NR2F1-AS1: variants seen among roughly 807,000 people sequenced by gnomAD.
The protein encoded by NR2F1-AS1 is NR2F1 regulatory antisense RNA 1, also known as NR2F1 antisense RNA 1.
At chr5:93,578,731 C>T (rs532802606) in intron 1 of NR2F1-AS1, among the ~76,000 whole-genome samples, 1 of 152,338 alleles carries the variant, frequency 6.6e-6, no homozygotes, top group African/African-American at 2.4e-5. Context: ...AACGTGGACA[C>T]TACAACTGCG....
intron 1 of NR2F1-AS1, among the ~76,000 whole-genome samples, chr5:93,571,699 G>A (rs568153085): frequency 1.3e-5 from 2 of 152,000 alleles, no homozygotes; most frequent in African/African-American, 4.8e-5. Flanking sequence ...AGATATAGAC[G>A]GTGATTGGAG....
chr5:93,527,219 A>G (rs1417107878), intron 4 of NR2F1-AS1, among the ~76,000 whole-genome samples: 1 of 152,172 alleles, frequency 6.6e-6, no homozygotes, highest in Non-Finnish European at 1.5e-5. Flanking sequence ...AGACAGAGCC[A>G]AATCATGAGT....
intron 4 of NR2F1-AS1, among the ~76,000 whole-genome samples, chr5:93,534,546 C>T (rs1238402965): frequency 3.3e-5 from 5 of 151,958 alleles, no homozygotes; most frequent in East Asian, 1.9e-4. Flanking sequence ...AAAATAAATC[C>T]CATTTTCCAT....
intron 4 of NR2F1-AS1, among the ~76,000 whole-genome samples, chr5:93,515,612 A>T (rs1290069012): frequency 6.6e-6 from 1 of 151,922 alleles, no homozygotes; most frequent in Non-Finnish European, 1.5e-5. Flanking sequence ...AACATCTAGC[A>T]TAGTGTCTGG....
intron 4 of NR2F1-AS1, among the ~76,000 whole-genome samples, chr5:93,460,650 A>G (rs931241092): frequency 3.3e-5 from 5 of 152,182 alleles, no homozygotes; most frequent in African/African-American, 9.6e-5. Flanking sequence ...TCTAATTGAC[A>G]TTAAAATTTC....
At position 93,579,299 on chromosome 5, in the gene NR2F1-AS1, C is replaced by T. The variant is rs938250937; in HGVS notation, n.313+1168G>A. On this transcript the variant is annotated intron_variant and non_coding_transcript_variant, in intron 1 of 5. Transcript: ENST00000660523. The surrounding 1 kb of genome is among the most constrained non-coding windows in gnomAD (Gnocchi z 5.1). ...CACCACCAACAGCTTCCCACTCCCACCCCTGGGACTAGGACAGGGGACTTC... is the reference window on the plus strand; with the variant it reads ...CACCACCAACAGCTTCCCACTCCCATCCCTGGGACTAGGACAGGGGACTTC... 6.6e-6 allele frequency among the ~76,000 whole-genome samples: 1 copy of T among 152,200 alleles called. No homozygotes were observed. Among genetic ancestry groups the T allele is most frequent in the Admixed American group, 6.5e-5 (1 of 15,286 alleles).
intron 4 of NR2F1-AS1, among the ~76,000 whole-genome samples, chr5:93,534,220 TAC>T: frequency 6.6e-6 from 1 of 152,210 alleles, no homozygotes. Flanking sequence ...GTCTCACGAT[TAC>T]CCTGTGAGGT....
At chr5:93,505,748 G>A (rs907417170) in intron 4 of NR2F1-AS1, among the ~76,000 whole-genome samples, 2 of 152,216 alleles carry the variant, frequency 1.3e-5, no homozygotes, top group Non-Finnish European at 2.9e-5. Context: ...GCTGCACACA[G>A]CATGGGGACC....
chr5:93,501,145 T>G (rs545816193), intron 4 of NR2F1-AS1, among the ~76,000 whole-genome samples: 1 of 152,082 alleles, frequency 6.6e-6, no homozygotes, highest in Non-Finnish European at 1.5e-5. Context: ...GTTCAAGATG[T>G]CAGTGGAAGA....
upstream of NR2F1-AS1, among the ~76,000 whole-genome samples, chr5:93,581,673 T>C (rs543935954): frequency 9.5e-5 from 2 of 20,978 alleles, no homozygotes; most frequent in African/African-American, 3.3e-4. Context: ...TCTCGGTCTC[T>C]CTCTCTCTCT....
intron 4 of NR2F1-AS1, among the ~76,000 whole-genome samples, chr5:93,447,880 T>C (rs954670469): frequency 1.3e-5 from 2 of 152,120 alleles, no homozygotes; most frequent in South Asian, 2.1e-4. Flanking sequence ...TAAAAAAGGA[T>C]GAGTTCATGT....
chr5:93,558,413 TG>T (rs1275123313), intron 2 of NR2F1-AS1, among the ~76,000 whole-genome samples: 1 of 150,436 alleles, frequency 6.6e-6, no homozygotes, highest in Non-Finnish European at 1.5e-5. Flanking sequence ...CTCCACCCCC[TG>T]GGTTCAAGCA....
intron 4 of NR2F1-AS1, among the ~76,000 whole-genome samples, chr5:93,449,378 TA>T (rs1451050857): frequency 3.3e-5 from 5 of 152,092 alleles, no homozygotes; most frequent in Non-Finnish European, 7.4e-5. Flanking sequence ...CTTACAACAG[TA>T]AAGGCCTGGA....
At chr5:93,412,795 G>A (rs1343515938) in intron 4 of NR2F1-AS1, among the ~76,000 whole-genome samples, 1 of 152,112 alleles carries the variant, frequency 6.6e-6, no homozygotes, top group South Asian at 2.1e-4. Context: ...CACCACTCGT[G>A]ACTCTAAATC....
Position 93,412,195 on chromosome 5 carries a change from G to C in NR2F1-AS1, n.639-16653C>G, listed in dbSNP as rs536118000. Among the ~76,000 whole-genome samples the C allele has an allele frequency of 1.2e-4, 18 of 152,266 alleles. No individual in the cohort carries two copies. The South Asian group carries it at 3.5e-3, about 30-fold the overall frequency. On this transcript the variant is annotated intron_variant and non_coding_transcript_variant, in intron 4 of 5. Coordinates refer to ENST00000660523, the Ensembl canonical transcript of NR2F1-AS1. ...CATGCTCAGGGGCTGTTGTCTCTCT[G>C]AACTGTCTTACTGCAGACCCTGGCT... is the stretch of plus-strand genomic sequence containing the variant.
At chr5:93,431,875 C>T (rs2149847053) in intron 4 of NR2F1-AS1, among the ~76,000 whole-genome samples, 1 of 152,214 alleles carries the variant, frequency 6.6e-6, no homozygotes, top group South Asian at 2.1e-4. Context: ...TTTTATAAGC[C>T]TGAAATAAAT....
chr5:93,468,272 C>T (rs1461020165), intron 4 of NR2F1-AS1, among the ~76,000 whole-genome samples: 1 of 151,876 alleles, frequency 6.6e-6, no homozygotes. Context: ...CTCCCACCAA[C>T]AGTGTAAAAG....
At chr5:93,509,959 C>CA (rs753899889) in intron 4 of NR2F1-AS1, among the ~76,000 whole-genome samples, 49 of 150,910 alleles carry the variant, frequency 3.2e-4, no homozygotes, top group South Asian at 6.3e-4. Context: ...GAAACTAGAG[C>CA]AAAAAAAATG....
At chr5:93,565,837 T>C (rs1204092296) in intron 1 of NR2F1-AS1, among the ~76,000 whole-genome samples, 1 of 151,476 alleles carries the variant, frequency 6.6e-6, no homozygotes, top group African/African-American at 2.4e-5. Context: ...CTAAAATATA[T>C]ATATATATAA....
Sources: gnomAD v4.1 joint callset for allele counts (sites outside exome capture counted in the v4.1 genomes callset) on GRCh38, gnomAD v4.1.1 for gene constraint, Gnocchi (gnomAD v3.1) non-coding constraint, MANE v1.5 for transcripts, NCBI Gene and HGNC (gene_info 2026-07-23, HGNC 2026-07-21) for gene names.